Variants in IRAK2 observed in about 807,000 individuals in gnomAD.
The protein encoded by IRAK2 is interleukin 1 receptor associated kinase 2, also known as interleukin-1 receptor-associated kinase-like 2.
Under a neutral mutation model 72.0 loss-of-function variants are expected in IRAK2, and 57 were observed. The observed-to-expected ratio is 0.79, with a 90% CI of 0.64 to 0.99. The LOEUF is 0.99. Among genes scored for constraint, IRAK2 ranks in the 50% least tolerant of loss-of-function variants. The pLI is 0.00. For missense variants in IRAK2, 790 were observed against 794.4 expected (o/e 0.99, Z 0.07); for synonymous variants, 293 against 312.7 (o/e 0.94, Z 0.67).
At chr3:10,236,390 C>G (rs534483886) in intron 11 of IRAK2, among the ~76,000 whole-genome samples, 1 of 147,632 alleles carries the variant, frequency 6.8e-6, no homozygotes, top group African/African-American at 2.5e-5. Flanking sequence ...CTCTTTCACC[C>G]AGGCTACAGT....
intron 11 of IRAK2, among the ~76,000 whole-genome samples, chr3:10,235,139 C>T (rs1305486424): frequency 6.6e-6 from 1 of 152,118 alleles, no homozygotes; most frequent in Admixed American, 6.5e-5. Context: ...AGGGCTCCAT[C>T]CCTGGATGGT....
At chr3:10,171,081 C>G (rs761526270) in intron 1 of IRAK2, among the ~76,000 whole-genome samples, 1 of 152,226 alleles carries the variant, frequency 6.6e-6, no homozygotes, top group Non-Finnish European at 1.5e-5. Context: ...GGCAGATAAT[C>G]TGGCCACGCC....
chr3:10,213,368 C>A lies in IRAK2; in HGVS notation c.690C>A (p.His230Gln). ...TFADVYRGHR[H>Q]GKPFVFKKLR... Reference sequence around the variant, plus strand: ...CTGACGTCTACAGAGGGCACAGGCACGGGAAGCCATTCGTCTTCAAGAAGC... The same window carrying A: ...CTGACGTCTACAGAGGGCACAGGCAAGGGAAGCCATTCGTCTTCAAGAAGC... The change falls in exon 5 of 13, where the codon CAC (histidine) becomes CAA (glutamine). Residue 230 changes from histidine to glutamine, a missense_variant. Transcript: ENST00000256458. 6.2e-7 allele frequency: 1 copy of A among 1,614,026 alleles called. No individual in the cohort carries two copies. Among genetic ancestry groups the A allele is most frequent in the South Asian group, 1.1e-5 (1 of 91,070 alleles).
At chr3:10,227,855 G>C (rs1028469185) in intron 10 of IRAK2, among the ~76,000 whole-genome samples, 2 of 151,884 alleles carry the variant, frequency 1.3e-5, no homozygotes, top group Non-Finnish European at 2.9e-5. Flanking sequence ...ATTTTTAGTA[G>C]AGATGGGGTT....
At position 10,164,971 on chromosome 3, in the gene IRAK2, A is replaced by G. The variant is rs201125447; in HGVS notation, c.17A>G (p.Tyr6Cys). The change falls in exon 1 of 13, where the codon TAC becomes TGC. Residue 6 changes from tyrosine to cysteine, a missense_variant. Transcript: ENST00000256458. MACYI[Y>C]QLPSWVLDDL... The stretch of plus-strand genomic sequence containing the variant: ...TAGCGTGCCATGGCCTGCTACATCT[A>G]CCAGCTGCCCTCCTGGGTGCTGGAC... The G allele has an allele frequency of 4.3e-6, 7 of 1,610,840 alleles. No homozygotes were observed. In the Admixed American group the frequency reaches 1.0e-4, roughly 23 times the overall value.
At chr3:10,180,177 G>A (rs933135907) in intron 2 of IRAK2, among the ~76,000 whole-genome samples, 4 of 152,034 alleles carry the variant, frequency 2.6e-5, no homozygotes, top group African/African-American at 9.7e-5. Context: ...TGGGGATGGG[G>A]GGTCTGGTTA....
At chr3:10,196,705 G>T (rs1029472048) in intron 2 of IRAK2, among the ~76,000 whole-genome samples, 1 of 152,234 alleles carries the variant, frequency 6.6e-6, no homozygotes, top group Non-Finnish European at 1.5e-5. Flanking sequence ...CCTCAGTGCT[G>T]CCTGCCTCCC....
Position 10,234,574 on chromosome 3 carries a change from C to G in IRAK2, c.1388C>G (p.Ala463Gly), listed in dbSNP as rs771098015. 2.5e-6 allele frequency: 4 copies of G among 1,613,970 alleles called. No individual in the cohort carries two copies. The South Asian group carries it at 4.4e-5, about 18-fold the overall frequency. Reference sequence around the variant, plus strand: ...TGCCAGAAGTACCTGGAGAAGGGCGCAGGGAGGCTTCCGGAGGACTGCGCC... The same window carrying G: ...TGCCAGAAGTACCTGGAGAAGGGCGGAGGGAGGCTTCCGGAGGACTGCGCC... ...EICQKYLEKG[A>G]GRLPEDCAEA... Residue 463 changes from alanine (A) to glycine (G), a missense_variant, in exon 11 of 13, where the codon GCA (alanine) becomes GGA (glycine). Physicochemically the swap from Ala to Gly is moderately conservative, Grantham distance 60 (BLOSUM62 0). Transcript: ENST00000256458.
At chr3:10,174,821 G>A (rs1433446850) in intron 1 of IRAK2, among the ~76,000 whole-genome samples, 11 of 151,482 alleles carry the variant, frequency 7.3e-5, no homozygotes, top group Admixed American at 2.0e-4. Flanking sequence ...CACTGCACCC[G>A]GCTGATTACT....
intron 4 of IRAK2, among the ~76,000 whole-genome samples, chr3:10,210,693 C>T (rs1180365864): frequency 6.6e-6 from 1 of 151,956 alleles, no homozygotes; most frequent in Non-Finnish European, 1.5e-5. Flanking sequence ...TGGAGACCAG[C>T]CTAGGCAACA....
intron 10 of IRAK2, 49 bp downstream of exon 10, chr3:10,226,482 G>A: frequency 6.8e-7 from 1 of 1,481,248 alleles, no homozygotes; most frequent in Non-Finnish European, 9.4e-7. Context: ...GGGCCTCACA[G>A]CTCTGTAGAG....
intron 3 of IRAK2, among the ~76,000 whole-genome samples, chr3:10,209,365 C>A (rs1697483696): frequency 1.3e-5 from 2 of 152,154 alleles, no homozygotes; most frequent in Non-Finnish European, 2.9e-5. Context: ...TCTCCACTTG[C>A]CAACTGGGAT....
At chr3:10,192,567 C>A (rs556093753) in intron 2 of IRAK2, among the ~76,000 whole-genome samples, 1 of 151,922 alleles carries the variant, frequency 6.6e-6, no homozygotes, top group East Asian at 1.9e-4. Context: ...TACTTGGTAG[C>A]AATTATCCCC....
chr3:10,212,850 C>T (rs1470359712), intron 4 of IRAK2, among the ~76,000 whole-genome samples: 8 of 149,168 alleles, frequency 5.4e-5, no homozygotes, highest in African/African-American at 1.2e-4. Flanking sequence ...CTGCAAGCTC[C>T]GCCTCCTGGG....
chr3:10,187,457 A>G lies in IRAK2; in HGVS notation c.277+9437A>G, dbSNP rs75836810. ...CCTAATTGAAAGCTGCCTCATTGTCATGTGGAGAGTACTACATGCACAGGG... is the reference window on the plus strand; with the variant it reads ...CCTAATTGAAAGCTGCCTCATTGTCGTGTGGAGAGTACTACATGCACAGGG... On this transcript the variant is annotated intron_variant, in intron 2 of 12. Transcript: ENST00000256458. Among the ~76,000 whole-genome samples the G allele has an allele frequency of 4.7e-3, 720 of 152,316 alleles. 24 individuals are homozygous for G. In the South Asian group the frequency reaches 0.084, roughly 18 times the overall value.
intron 12 of IRAK2, among the ~76,000 whole-genome samples, chr3:10,240,909 A>G (rs1475505517): frequency 2.0e-5 from 3 of 151,734 alleles, no homozygotes; most frequent in South Asian, 2.1e-4. Flanking sequence ...ACATGGTTCA[A>G]TGAATGTCCC....
In IRAK2 at chr3:10,221,182, A is replaced by G. The variant is rs529637304; in HGVS notation, c.1013+1393A>G. ...CCAAGGCGGGCAGATCACGAGGTCA[A>G]GAGATCGAGACCATCCTGGCTAACA... On this transcript the variant is annotated intron_variant, in intron 8 of 12. Transcript: ENST00000256458. Among the ~76,000 whole-genome samples the G allele has an allele frequency of 4.4e-4, 67 of 151,120 alleles. 1 individual carries two copies. Among genetic ancestry groups the G allele is most frequent in the South Asian group, 2.3e-3 (11 of 4,760 alleles).
chr3:10,209,882 A>G (rs1697492268), intron 4 of IRAK2, among the ~76,000 whole-genome samples, 190 bp downstream of exon 4: 1 of 152,020 alleles, frequency 6.6e-6, no homozygotes, highest in Non-Finnish European at 1.5e-5. Context: ...AGAGGGAGGG[A>G]GGGCACTTCA....
chr3:10,172,214 A>G (rs1017432915), intron 1 of IRAK2, among the ~76,000 whole-genome samples: 13 of 151,202 alleles, frequency 8.6e-5, no homozygotes, highest in Admixed American at 2.6e-4. Context: ...ACTAAAAAAA[A>G]AAATTAGCCG....
Sources: gnomAD v4.1 joint callset for allele counts (sites outside exome capture counted in the v4.1 genomes callset) on GRCh38, gnomAD v4.1.1 for gene constraint, MANE v1.5 for transcripts, NCBI Gene and HGNC (gene_info 2026-07-23, HGNC 2026-07-21) for gene names.